SPMIP2: variants seen among roughly 807,000 people sequenced by gnomAD.
SPMIP2 encodes protein SPMIP2.
the SPMIP2 span, among the ~76,000 whole-genome samples, chr4:158,924,887 C>T: frequency 8.5e-5 from 13 of 152,306 alleles, no homozygotes; most frequent in South Asian, 4.1e-4. Context: ...AAATCAACCA[C>T]GCATTCCTGG....
the SPMIP2 span, among the ~76,000 whole-genome samples, chr4:159,072,451 C>CTTTT: frequency 1.4e-5 from 1 of 69,132 alleles, no homozygotes; most frequent in Non-Finnish European, 2.6e-5. Flanking sequence ...CTTATGAATT[C>CTTTT]TTTTTTTTTT....
chr4:159,031,087 A>G, the SPMIP2 span, among the ~76,000 whole-genome samples: 2 of 152,214 alleles, frequency 1.3e-5, no homozygotes, highest in Non-Finnish European at 2.9e-5. Flanking sequence ...TGGGTACTTC[A>G]CTTAAACTAA....
chr4:159,054,284 G>A, the SPMIP2 span, among the ~76,000 whole-genome samples: 4 of 152,062 alleles, frequency 2.6e-5, no homozygotes, highest in African/African-American at 4.8e-5. Context: ...TGTGAACCAC[G>A]GTGCCCAGAC....
At chr4:158,986,174 AG>A in the SPMIP2 span, among the ~76,000 whole-genome samples, 3 of 151,754 alleles carry the variant, frequency 2.0e-5, no homozygotes, top group South Asian at 6.3e-4. Context: ...GCTCATGGGT[AG>A]GAAGAATCAA....
the SPMIP2 span, among the ~76,000 whole-genome samples, chr4:158,958,354 T>G: frequency 6.6e-6 from 1 of 152,178 alleles, no homozygotes; most frequent in Non-Finnish European, 1.5e-5. Flanking sequence ...AGACTCAAAC[T>G]CCTGACCTCA....
chr4:159,068,539 T>A, the SPMIP2 span, among the ~76,000 whole-genome samples: 1 of 151,364 alleles, frequency 6.6e-6, no homozygotes, highest in Non-Finnish European at 1.5e-5. Flanking sequence ...AGGGATAGCA[T>A]TTGGAGATAT....
chr4:158,895,793 A>G, the SPMIP2 span: 3 of 1,613,254 alleles, frequency 1.9e-6, no homozygotes, highest in Non-Finnish European at 2.5e-6. Context: ...ATGTACCTTA[A>G]AAGTAAAATG....
the SPMIP2 span, among the ~76,000 whole-genome samples, chr4:158,897,841 A>G: frequency 6.6e-6 from 1 of 152,164 alleles, no homozygotes; most frequent in Non-Finnish European, 1.5e-5. Context: ...TCTTTAGTTT[A>G]ATTAGATCCC....
the SPMIP2 span, among the ~76,000 whole-genome samples, chr4:158,946,839 A>G: frequency 0.93 from 141,458 of 152,278 alleles, 66,514 homozygotes; most frequent in Non-Finnish European, 1. Flanking sequence ...TAAAGAAAGC[A>G]GGAACTGTGT....
the SPMIP2 span, among the ~76,000 whole-genome samples, chr4:158,968,059 T>G: frequency 2.0e-3 from 306 of 152,338 alleles, no homozygotes; most frequent in African/African-American, 6.8e-3. Context: ...TGAGAAGGTC[T>G]CACTCTGTCA....
the SPMIP2 span, among the ~76,000 whole-genome samples, chr4:159,012,436 A>T: frequency 6.6e-6 from 1 of 152,220 alleles, no homozygotes; most frequent in Non-Finnish European, 1.5e-5. Flanking sequence ...ATGATACCTG[A>T]TCTGATACCT....
chr4:159,062,796 C>T, the SPMIP2 span, among the ~76,000 whole-genome samples: 2 of 150,724 alleles, frequency 1.3e-5, no homozygotes, highest in African/African-American at 2.4e-5. Context: ...TTAAGCAATC[C>T]TCCCATCTCA....
At chr4:159,006,560 G>A in the SPMIP2 span, among the ~76,000 whole-genome samples, 2 of 152,096 alleles carry the variant, frequency 1.3e-5, no homozygotes, top group Non-Finnish European at 2.9e-5. Flanking sequence ...AGTTTCCAAG[G>A]TTTTCATTCA....
At chr4:158,893,994 A>G in the SPMIP2 span, among the ~76,000 whole-genome samples, 1 of 152,160 alleles carries the variant, frequency 6.6e-6, no homozygotes, top group Admixed American at 6.5e-5. Flanking sequence ...ACTTGAATGA[A>G]ACCTGTGATT....
the SPMIP2 span, among the ~76,000 whole-genome samples, chr4:159,036,599 G>A: frequency 1.3e-5 from 2 of 152,196 alleles, no homozygotes; most frequent in East Asian, 1.9e-4. Flanking sequence ...CAGAGAACCC[G>A]ACCTGAGATA....
At chr4:159,000,038 AC>A in the SPMIP2 span, among the ~76,000 whole-genome samples, 1 of 152,016 alleles carries the variant, frequency 6.6e-6, no homozygotes, top group Non-Finnish European at 1.5e-5. Context: ...TTTTTTTTAA[AC>A]CAGCTTTATT....
chr4:158,940,201 G>GT, the SPMIP2 span, among the ~76,000 whole-genome samples: 2 of 152,066 alleles, frequency 1.3e-5, no homozygotes, highest in Non-Finnish European at 2.9e-5. Context: ...TCTTTACATG[G>GT]TTCTCCCTCT....
chr4:159,065,397 T>A, the SPMIP2 span, among the ~76,000 whole-genome samples: 1 of 152,036 alleles, frequency 6.6e-6, no homozygotes, highest in Non-Finnish European at 1.5e-5. Flanking sequence ...TTTTGAAATA[T>A]TTATTCATTT....
chr4:159,051,816 G>A, the SPMIP2 span, among the ~76,000 whole-genome samples: 2 of 152,144 alleles, frequency 1.3e-5, no homozygotes, highest in Middle Eastern at 3.2e-3. Flanking sequence ...TATAGTAAAC[G>A]ACTGGCATTC....
Sources: gnomAD v4.1 joint callset for allele counts (sites outside exome capture counted in the v4.1 genomes callset) on GRCh38, gnomAD v4.1.1 for gene constraint, MANE v1.5 for transcripts, NCBI Gene and HGNC (gene_info 2026-07-23, HGNC 2026-07-21) for gene names.